The following AGMO variants were observed in gnomAD, a reference collection of about 807,000 sequenced individuals.
AGMO encodes the protein glyceryl-ether monooxygenase.
In AGMO, 75 loss-of-function variants were observed where a neutral mutation model predicts 60.2. That is an observed-to-expected ratio of 1.25 (90% CI 1.03 to 1.51). The LOEUF (loss-of-function observed/expected upper bound fraction) is 1.51. AGMO is among the 40% of genes most tolerant of loss of function. The probability of loss-of-function intolerance (pLI) is 0.00; values close to 1 mark genes in which losing one functional copy is unlikely to be tolerated. For missense variants in AGMO, 763 were observed against 525.5 expected, an observed-to-expected ratio of 1.45 and a Z score of -4.42; for synonymous variants, 261 against 177.1, an observed-to-expected ratio of 1.47 and a Z score of -3.76.
chr7:15,499,907 G>GCA (rs367953278), intron 3 of AGMO, among the ~76,000 whole-genome samples: 5,178 of 137,678 alleles, frequency 0.038, 289 homozygotes, highest in African/African-American at 0.12. Flanking sequence ...TATGTATTAC[G>GCA]CACACACACA....
At chr7:15,381,452 A>C (rs556244379) in intron 10 of AGMO, among the ~76,000 whole-genome samples, 1 of 152,288 alleles carries the variant, frequency 6.6e-6, no homozygotes, top group South Asian at 2.1e-4. Flanking sequence ...CTGTTAGAGA[A>C]ATGCAAATCA....
intron 10 of AGMO, among the ~76,000 whole-genome samples, chr7:15,377,920 A>T (rs1430505600): frequency 2.0e-5 from 3 of 152,046 alleles, no homozygotes. Context: ...ACAGTTATAA[A>T]AGCTTTGGTC....
intron 5 of AGMO, among the ~76,000 whole-genome samples, chr7:15,398,436 C>T (rs953276133): frequency 3.3e-5 from 5 of 152,114 alleles, no homozygotes; most frequent in African/African-American, 1.2e-4. Flanking sequence ...CCTATGAGTA[C>T]CTTGGAGCTG....
chr7:15,320,417 C>T (rs1237267609), intron 12 of AGMO, among the ~76,000 whole-genome samples: 1 of 151,832 alleles, frequency 6.6e-6, no homozygotes, highest in Non-Finnish European at 1.5e-5. Flanking sequence ...GTTTCTCATA[C>T]CAAATTCTGT....
At chr7:15,397,585 C>T (rs919722815) in intron 5 of AGMO, among the ~76,000 whole-genome samples, 8 of 152,180 alleles carry the variant, frequency 5.3e-5, no homozygotes, top group Admixed American at 1.3e-4. Flanking sequence ...TTCCTCCTTC[C>T]TTCTTTCTTC....
chr7:15,337,830 TATATTAG>T (rs1781711616), intron 12 of AGMO, among the ~76,000 whole-genome samples: 1 of 152,194 alleles, frequency 6.6e-6, no homozygotes, highest in Admixed American at 6.5e-5. Flanking sequence ...CAGGGGCAGA[TATATTAG>T]GCACCTGGGC....
At chr7:15,354,710 AAAG>A (rs915478326) in intron 12 of AGMO, among the ~76,000 whole-genome samples, 27 of 150,606 alleles carry the variant, frequency 1.8e-4, no homozygotes, top group Admixed American at 6.6e-4. Flanking sequence ...AGAAGTTAAG[AAAG>A]AAGAAGAAAT....
At chr7:15,206,859 A>G (rs936325431) in intron 12 of AGMO, among the ~76,000 whole-genome samples, 1 of 152,178 alleles carries the variant, frequency 6.6e-6, no homozygotes, top group African/African-American at 2.4e-5. Context: ...CGAAAATGGA[A>G]ACATCAGATT....
chr7:15,453,935 TATA>T (rs1398480331), intron 3 of AGMO, among the ~76,000 whole-genome samples: 2 of 148,782 alleles, frequency 1.3e-5, no homozygotes, highest in African/African-American at 4.9e-5. Context: ...TTCATTATTA[TATA>T]ATATCTATTA....
At chr7:15,548,172 C>A (rs575425919) in intron 2 of AGMO, among the ~76,000 whole-genome samples, 1 of 152,114 alleles carries the variant, frequency 6.6e-6, no homozygotes, top group Admixed American at 6.5e-5. Flanking sequence ...CTGTACATCA[C>A]CGTCATCAAA....
intron 4 of AGMO, among the ~76,000 whole-genome samples, chr7:15,421,740 TTGAG>T (rs1327282336): frequency 4.6e-5 from 7 of 152,000 alleles, no homozygotes; most frequent in Non-Finnish European, 7.4e-5. Flanking sequence ...CAGGAGGCTA[TTGAG>T]TAAGATTTTG....
At chr7:15,349,587 C>A (rs79680188) in intron 12 of AGMO, among the ~76,000 whole-genome samples, 16,543 of 152,088 alleles carry the variant, frequency 0.11, 1,005 homozygotes, top group Admixed American at 0.18. Flanking sequence ...TCCTATTCTT[C>A]TCAGTGAATT....
chr7:15,500,780 A>AG (rs1783362222), intron 3 of AGMO, among the ~76,000 whole-genome samples: 2 of 151,786 alleles, frequency 1.3e-5, no homozygotes, highest in Middle Eastern at 3.2e-3. Context: ...CTGTGATGTT[A>AG]GGTTCTTAAT....
At chr7:15,335,761 A>G (rs751675047) in intron 12 of AGMO, among the ~76,000 whole-genome samples, 3 of 152,212 alleles carry the variant, frequency 2.0e-5, no homozygotes, top group Non-Finnish European at 4.4e-5. Context: ...TAACTTAGAT[A>G]ACACGGTAGC....
chr7:15,347,526 G>A (rs1182554423), intron 12 of AGMO, among the ~76,000 whole-genome samples: 1 of 151,866 alleles, frequency 6.6e-6, no homozygotes, highest in Non-Finnish European at 1.5e-5. Flanking sequence ...TATCCTACTT[G>A]ATGTCTTATA....
At chr7:15,514,243 C>T (rs1783751866) in intron 3 of AGMO, among the ~76,000 whole-genome samples, 2 of 152,130 alleles carry the variant, frequency 1.3e-5, no homozygotes, top group Admixed American at 1.3e-4. Context: ...GCCCGCTTTT[C>T]TTTTCTCTGT....
intron 12 of AGMO, among the ~76,000 whole-genome samples, chr7:15,253,072 G>A (rs2128507048): frequency 6.6e-6 from 1 of 152,306 alleles, no homozygotes; most frequent in South Asian, 2.1e-4. Context: ...CTCATGGGAT[G>A]AAGAACAAAG....
At chr7:15,214,815 G>T (rs1004428937) in intron 12 of AGMO, among the ~76,000 whole-genome samples, 8 of 152,016 alleles carry the variant, frequency 5.3e-5, no homozygotes, top group African/African-American at 1.9e-4. Context: ...TAGCTTAAAT[G>T]CACAAATGAT....
At chr7:15,346,870 T>C (rs1782053551) in intron 12 of AGMO, among the ~76,000 whole-genome samples, 1 of 151,960 alleles carries the variant, frequency 6.6e-6, no homozygotes, top group African/African-American at 2.4e-5. Context: ...AACTATTTTG[T>C]ATATCTAAAT....
Sources: gnomAD v4.1 joint callset for allele counts (sites outside exome capture counted in the v4.1 genomes callset) on GRCh38, gnomAD v4.1.1 for gene constraint, MANE v1.5 for transcripts, NCBI Gene and HGNC (gene_info 2026-07-23, HGNC 2026-07-21) for gene names.